Variants in CORIN observed in about 807,000 individuals in gnomAD.
CORIN encodes the protein atrial natriuretic peptide-converting enzyme.
Under a neutral mutation model 125.3 loss-of-function variants are expected in CORIN, and 117 were observed. That is an observed-to-expected ratio of 0.93 (90% CI 0.80 to 1.09). CORIN has a LOEUF of 1.09. CORIN is among the 50% of genes least tolerant of loss of function. The pLI is 0.00. For synonymous variants in CORIN, 450 were observed against 466.4 expected (o/e 0.96, Z 0.45); for missense variants, 1,253 against 1,306.7 (o/e 0.96, Z 0.63).
Position 47,661,817 on chromosome 4 carries a change from A to G in CORIN, c.1629T>C (p.Val543=). 1 of 1,613,498 alleles carries G rather than the reference A, an allele frequency of 6.2e-7. No homozygotes were observed. ...GCCACTGTAGGCCCACAATCCCAAG[A>G]ACAGACTCACAGCGTTCTTTAGAGT... is the stretch of plus-strand genomic sequence containing the variant. ...CEHSKERCES[V]LGIVGLQWPE... is the part of the protein sequence containing the mutation. The change falls in exon 12 of 22, where the codon GTT becomes GTC. Residue 543 remains valine, a synonymous_variant. Coordinates refer to ENST00000273857, the MANE Select transcript of CORIN (RefSeq NM_006587.4).
At chr4:47,729,428 A>C (rs1268153098) in intron 5 of CORIN, among the ~76,000 whole-genome samples, 2 of 152,174 alleles carry the variant, frequency 1.3e-5, no homozygotes, top group Admixed American at 6.5e-5. Flanking sequence ...AGTTTCTGAC[A>C]GCTGATTAAA....
intron 6 of CORIN, among the ~76,000 whole-genome samples, chr4:47,690,716 G>GTATC (rs1478394061): frequency 1.3e-5 from 2 of 152,122 alleles, no homozygotes; most frequent in Non-Finnish European, 2.9e-5. Context: ...CCTCTCATGA[G>GTATC]TATCTGTGGG....
intron 16 of CORIN, among the ~76,000 whole-genome samples, chr4:47,634,008 A>G (rs1722933314): frequency 6.6e-6 from 1 of 152,250 alleles, no homozygotes; most frequent in Non-Finnish European, 1.5e-5. Context: ...AAAAAATTAA[A>G]CAAATATTGA....
intron 16 of CORIN, among the ~76,000 whole-genome samples, chr4:47,631,704 C>T (rs1470133413): frequency 1.3e-5 from 2 of 152,152 alleles, no homozygotes; most frequent in South Asian, 2.1e-4. Context: ...TTGTCTTCCA[C>T]AAAACCAGTC....
intron 2 of CORIN, among the ~76,000 whole-genome samples, chr4:47,787,385 G>C (rs986304968): frequency 4.0e-5 from 6 of 151,892 alleles, no homozygotes; most frequent in Admixed American, 6.6e-5. Context: ...GTCATCAAAG[G>C]ACACAATGGT....
chr4:47,795,681 A>G lies in CORIN; in HGVS notation c.209-8756T>C, dbSNP rs143176425. On this transcript the variant is annotated intron_variant, in intron 2 of 21. Coordinates refer to ENST00000273857, the MANE Select transcript of CORIN (RefSeq NM_006587.4). ...GTTGAGTGGACCTAAAAAATGAGAG[A>G]AATTATTTGTAAACCACATATTTGA... 1.8e-3 allele frequency among the ~76,000 whole-genome samples: 278 copies of G among 152,170 alleles called. 2 individuals carry two copies. The highest frequency in any genetic ancestry group is 6.0e-3 in the African/African-American group (251 of 41,530).
chr4:47,757,900 A>ATATATATATATATATATATG lies in CORIN; in HGVS notation c.617+5478_617+5479insCATATATATATATATATATA, dbSNP rs1560535480. ...TATGTATATATATATATATATATATATATATACACAAATATACACATATAT... is the reference window on the plus strand; with the variant it reads ...TATGTATATATATATATATATATATATATATATATATATATATATGTATATACACAAATATACACATATAT... On this transcript the variant is annotated intron_variant, in intron 4 of 21. Transcript: ENST00000273857. 6.2e-5 allele frequency among the ~76,000 whole-genome samples: 9 copies of ATATATATATATATATATATG among 144,242 alleles called. No individual in the cohort carries two copies. In the East Asian group the frequency reaches 1.4e-3, roughly 22 times the overall value. The allele number at this position is 144,242 out of a possible 152,430, so 94.6% of individuals were successfully genotyped here.
rs73815721 is a variant in CORIN at position 47,603,404 on chromosome 4, G to T, written c.2805C>A (p.Gly935=). 3,858 of 1,613,732 alleles carry T rather than the reference G, an allele frequency of 2.4e-3. 64 individuals are homozygous for T. In the African/African-American group the frequency reaches 0.039, roughly 16 times the overall value. ...YCYITGWGHM[G]NKMPFKLQEG... ...ACTAATACACTGGCTTACTTTTATT[G>T]CCCATGTGGCCCCAGCCTGTGATAT... The change falls in exon 20 of 22, where the codon GGC becomes GGA. Residue 935 remains glycine (G), a synonymous_variant. Coordinates refer to ENST00000273857, the MANE Select transcript of CORIN (RefSeq NM_006587.4).
At chr4:47,719,428 A>G (rs1043194193) in intron 5 of CORIN, among the ~76,000 whole-genome samples, 2 of 152,234 alleles carry the variant, frequency 1.3e-5, no homozygotes, top group African/African-American at 4.8e-5. Context: ...ACCATCTGCT[A>G]TATGAAGGAC....
intron 5 of CORIN, 68 bp downstream of exon 5, chr4:47,744,334 T>A (rs753392661): frequency 2.2e-5 from 30 of 1,361,062 alleles, no homozygotes; most frequent in Non-Finnish European, 3.1e-5. Flanking sequence ...ATTATTTATA[T>A]CCATTCCTGT....
chr4:47,836,579 A>G (rs1006851404), intron 1 of CORIN, among the ~76,000 whole-genome samples: 1 of 152,206 alleles, frequency 6.6e-6, no homozygotes, highest in Non-Finnish European at 1.5e-5. Context: ...GAAGTCTTGT[A>G]CAGGAGTCCG....
At chr4:47,664,511 C>G (rs1262386997) in intron 11 of CORIN, among the ~76,000 whole-genome samples, 1 of 152,172 alleles carries the variant, frequency 6.6e-6, no homozygotes, top group East Asian at 1.9e-4. Context: ...TAGAATATCA[C>G]TCATATTCAA....
At chr4:47,717,589 C>CAATTT (rs1373871162) in intron 5 of CORIN, among the ~76,000 whole-genome samples, 3 of 152,134 alleles carry the variant, frequency 2.0e-5, no homozygotes, top group Middle Eastern at 3.2e-3. Context: ...GTTAAATATC[C>CAATTT]AACTGCTTTT....
intron 5 of CORIN, among the ~76,000 whole-genome samples, chr4:47,723,425 A>C (rs1436528674): frequency 6.6e-6 from 1 of 152,176 alleles, no homozygotes; most frequent in Non-Finnish European, 1.5e-5. Context: ...GCAACAATGT[A>C]ATCCATGGCC....
intron 20 of CORIN, among the ~76,000 whole-genome samples, chr4:47,601,737 G>A (rs552137610): frequency 1.3e-5 from 2 of 152,196 alleles, no homozygotes; most frequent in East Asian, 3.9e-4. Flanking sequence ...ATGCATAGGA[G>A]TGGTGACAGC....
At chr4:47,659,343 G>A in intron 12 of CORIN, among the ~76,000 whole-genome samples, 1 of 152,128 alleles carries the variant, frequency 6.6e-6, no homozygotes, top group African/African-American at 2.4e-5. Context: ...TGAACATCTA[G>A]TACCAATTTT....
intron 21 of CORIN, among the ~76,000 whole-genome samples, chr4:47,596,185 A>C (rs1375699447): frequency 6.6e-6 from 1 of 152,292 alleles, no homozygotes; most frequent in East Asian, 1.9e-4. Context: ...TTCTGCACTT[A>C]TAAAAATATG....
intron 12 of CORIN, among the ~76,000 whole-genome samples, chr4:47,654,501 A>C (rs1047122063): frequency 6.6e-6 from 1 of 152,268 alleles, no homozygotes; most frequent in South Asian, 2.1e-4. Context: ...TAGCACAGAG[A>C]ATCTGTGCAC....
At chr4:47,797,423 A>G (rs985239642) in intron 2 of CORIN, among the ~76,000 whole-genome samples, 1 of 151,888 alleles carries the variant, frequency 6.6e-6, no homozygotes, top group Non-Finnish European at 1.5e-5. Context: ...AGTAAATCTC[A>G]GGCCTAAGAA....
Sources: gnomAD v4.1 joint callset for allele counts (sites outside exome capture counted in the v4.1 genomes callset) on GRCh38, gnomAD v4.1.1 for gene constraint, MANE v1.5 for transcripts, NCBI Gene and HGNC (gene_info 2026-07-23, HGNC 2026-07-21) for gene names.